Variants in TBX15 observed in about 807,000 individuals in gnomAD.
TBX15 encodes T-box transcription factor TBX15.
TBX15 carries 18 observed loss-of-function variants against 53.9 expected under a neutral mutation model. That is an observed-to-expected ratio of 0.33 (90% CI 0.23 to 0.49). The LOEUF is 0.49. Among genes scored for constraint, TBX15 ranks in the 20% least tolerant of loss-of-function variants. The probability of loss-of-function intolerance (pLI) is 0.98; values close to 1 mark genes in which losing one functional copy is unlikely to be tolerated. For missense variants in TBX15, 692 were observed against 749.5 expected (o/e 0.92, Z 0.90); for synonymous variants, 295 against 278.0 (o/e 1.06, Z -0.61).
At chr1:118,924,098 T>C (rs1450429091) in intron 4 of TBX15, among the ~76,000 whole-genome samples, 1 of 152,240 alleles carries the variant, frequency 6.6e-6, no homozygotes, top group Non-Finnish European at 1.5e-5. Flanking sequence ...ATGGAAGCAA[T>C]GGTTTTAGCT....
intron 1 of TBX15, among the ~76,000 whole-genome samples, chr1:118,953,628 C>T (rs1656588555): frequency 6.6e-6 from 1 of 152,224 alleles, no homozygotes; most frequent in Admixed American, 6.5e-5. Context: ...TGATGTTACA[C>T]ATATGGGAAT....
chr1:118,900,522 C>G (rs1654592428), intron 6 of TBX15, among the ~76,000 whole-genome samples: 1 of 152,142 alleles, frequency 6.6e-6, no homozygotes, highest in African/African-American at 2.4e-5. Context: ...AGTTAACTTT[C>G]TAAAGTCTTC....
Position 118,988,008 on chromosome 1 carries a change from G to A in TBX15, c.-213C>T, listed in dbSNP as rs546235728. ...CGACCTGCGCCCCTACGCTGGCCCA[G>A]CTGCTAGGAACTAGCGCCCCGAGCG... is the stretch of plus-strand genomic sequence containing the variant. On this transcript the variant is annotated 5_prime_UTR_variant, in exon 1 of 8. Coordinates refer to ENST00000369429, the MANE Select transcript of TBX15 (RefSeq NM_001330677.2). The A allele has an allele frequency of 2.3e-4, 151 of 649,832 alleles. No homozygotes were observed. The African/African-American group carries it at 2.6e-3, about 11-fold the overall frequency. 40.3% of individuals were successfully genotyped at this position (649,832 alleles called of 1,614,324 possible).
In TBX15 at chr1:118,888,088, A is replaced by G. The variant is rs191857802; in HGVS notation, c.1025-2572T>C. 3.5e-3 allele frequency among the ~76,000 whole-genome samples: 534 copies of G among 152,324 alleles called. 6 individuals carry two copies. The highest frequency in any genetic ancestry group is 0.012 in the African/African-American group (507 of 41,584). On this transcript the variant is annotated intron_variant, in intron 7 of 7. Transcript: ENST00000369429. ...CTTAAAATCCTTTAAGAAAAGTAAAATGATTTTTATTCCACAATTTGAGAC... is the reference window on the plus strand; with the variant it reads ...CTTAAAATCCTTTAAGAAAAGTAAAGTGATTTTTATTCCACAATTTGAGAC...
Position 118,884,922 on chromosome 1 carries a change from C to T in TBX15, c.1619G>A (p.Ser540Asn). Residue 540 changes from serine (S) to asparagine (N), a missense_variant, in exon 8 of 8, where the codon AGC becomes AAC. Physicochemically the swap from Ser to Asn is conservative, Grantham distance 46. Transcript: ENST00000369429. ...GGAAGGAGAAGAACAGAGTAAAGTG[C>T]TTTGAGAGGCGCTCAGTTTTTCCGG... ...ASPEKLSASQ[S>N]TLLCSSPSNG... 6.2e-7 allele frequency: 1 copy of T among 1,614,176 alleles called. No homozygotes were observed. The highest frequency in any genetic ancestry group is 8.5e-7 in the Non-Finnish European group (1 of 1,180,036).
chr1:118,918,288 T>C (rs904254741), intron 5 of TBX15, among the ~76,000 whole-genome samples: 2 of 152,184 alleles, frequency 1.3e-5, no homozygotes, highest in Non-Finnish European at 2.9e-5. Flanking sequence ...ACCATGTCTA[T>C]TTTATATACC....
At chr1:118,984,519 T>C (rs556715437) in intron 1 of TBX15, among the ~76,000 whole-genome samples, 1 of 149,890 alleles carries the variant, frequency 6.7e-6, no homozygotes, top group African/African-American at 2.4e-5. Context: ...GCCGCAGCAA[T>C]ATACTTGCAA....
chr1:118,907,301 CAG>C (rs1468962009), intron 6 of TBX15, among the ~76,000 whole-genome samples: 1 of 152,216 alleles, frequency 6.6e-6, no homozygotes, highest in Admixed American at 6.5e-5. Context: ...GAGGAAATCC[CAG>C]AGTCTTTCAC....
chr1:118,893,317 A>AAGGAAG lies in TBX15; in HGVS notation c.1024+5710_1024+5711insCTTCCT, dbSNP rs1235790582. 6.8e-3 allele frequency among the ~76,000 whole-genome samples: 448 copies of AAGGAAG among 65,494 alleles called. 11 individuals are homozygous for AAGGAAG. The highest frequency in any genetic ancestry group is 0.013 in the African/African-American group (199 of 15,784). 43.0% of individuals were successfully genotyped at this position (65,494 alleles called of 152,430 possible). ...AGGAAGGAAGGAAGGAAGGAAGGAA[A>AAGGAAG]GAAAGAAAGAAGAAAGAAGGAAGGA... On this transcript the variant is annotated intron_variant, in intron 7 of 7. Transcript: ENST00000369429.
chr1:118,915,233 T>G (rs1371099233), intron 5 of TBX15, among the ~76,000 whole-genome samples: 1 of 152,170 alleles, frequency 6.6e-6, no homozygotes, highest in Non-Finnish European at 1.5e-5. Flanking sequence ...ATTCTAGAAA[T>G]AAGGGAATCT....
chr1:118,982,706 T>G (rs1657686570), intron 1 of TBX15, among the ~76,000 whole-genome samples: 1 of 152,260 alleles, frequency 6.6e-6, no homozygotes, highest in African/African-American at 2.4e-5. Context: ...AAAAGATTTT[T>G]AACCATTTGA....
At chr1:118,930,269 A>G (rs1275460298) in intron 2 of TBX15, among the ~76,000 whole-genome samples, 1 of 152,180 alleles carries the variant, frequency 6.6e-6, no homozygotes. Context: ...AATCAGTAAG[A>G]TGCGATTTTT....
intron 2 of TBX15, among the ~76,000 whole-genome samples, chr1:118,930,993 T>C (rs1655763731): frequency 6.6e-6 from 1 of 152,254 alleles, no homozygotes; most frequent in South Asian, 2.1e-4. Context: ...AATAAATACT[T>C]AACTATGGAA....
chr1:118,887,662 C>G (rs370136644), intron 7 of TBX15, among the ~76,000 whole-genome samples: 11 of 118,864 alleles, frequency 9.3e-5, no homozygotes, highest in African/African-American at 3.1e-4. Flanking sequence ...GCAACAAGAG[C>G]AAAACTCTCA....
At chr1:118,890,959 T>C (rs1654120250) in intron 7 of TBX15, 1 of 1,303,586 alleles carries the variant, frequency 7.7e-7, no homozygotes, top group African/African-American at 1.5e-5. Flanking sequence ...AGAAGTCTTC[T>C]TTGAGGCTTT....
rs1653827842 is a variant in TBX15 at position 118,884,034 on chromosome 1, A to T, written c.*698T>A. The stretch of plus-strand genomic sequence containing the variant: ...CCACTGGGAATATCAATGATAGCAT[A>T]CAAGTGAAGAGAGCCAAAGTTCAAA... On this transcript the variant is annotated 3_prime_UTR_variant, in exon 8 of 8. Transcript: ENST00000369429. The T allele has an allele frequency of 6.5e-6, 1 of 153,086 alleles. No individual in the cohort carries two copies. The highest frequency in any genetic ancestry group is 2.1e-4 in the South Asian group (1 of 4,830). The allele number at this position is 153,086 out of a possible 1,614,324, so 9.5% of individuals were successfully genotyped here.
At chr1:118,961,479 G>C (rs1478811229) in intron 1 of TBX15, among the ~76,000 whole-genome samples, 1 of 152,152 alleles carries the variant, frequency 6.6e-6, no homozygotes, top group Non-Finnish European at 1.5e-5. Flanking sequence ...AAGTGCATGA[G>C]GGGAAGGGAG....
intron 1 of TBX15, among the ~76,000 whole-genome samples, chr1:118,961,192 C>T (rs1656861092): frequency 6.6e-6 from 1 of 152,208 alleles, no homozygotes; most frequent in African/African-American, 2.4e-5. Flanking sequence ...GCCCCATACT[C>T]TGTTCATATT....
chr1:118,886,017 C>T (rs1363556576), intron 7 of TBX15, among the ~76,000 whole-genome samples: 3 of 152,110 alleles, frequency 2.0e-5, no homozygotes, highest in African/African-American at 4.8e-5. Flanking sequence ...GACACCAACG[C>T]GGGACCCTAA....
Sources: gnomAD v4.1 joint callset for allele counts (sites outside exome capture counted in the v4.1 genomes callset) on GRCh38, gnomAD v4.1.1 for gene constraint, MANE v1.5 for transcripts, NCBI Gene and HGNC (gene_info 2026-07-23, HGNC 2026-07-21) for gene names.